Variants in FAM120A observed in about 807,000 individuals in gnomAD.
The protein encoded by FAM120A is family with sequence similarity 120 member A.
In FAM120A, 15 loss-of-function variants were observed where a neutral mutation model predicts 109.7. That is an observed-to-expected ratio of 0.14 (90% CI 0.09 to 0.21). The LOEUF (loss-of-function observed/expected upper bound fraction) is 0.21. Ranked by LOEUF, FAM120A falls within the 10% of genes least tolerant of loss-of-function variation. FAM120A has a pLI of 1.00. For missense variants in FAM120A, 899 were observed against 1,439.3 expected (o/e 0.62, Z 6.07); for synonymous variants, 493 against 572.8 (o/e 0.86, Z 1.99).
intron 10 of FAM120A, among the ~76,000 whole-genome samples, chr9:93,536,151 G>C (rs1056903162): frequency 6.6e-6 from 1 of 152,220 alleles, no homozygotes; most frequent in African/African-American, 2.4e-5. Flanking sequence ...ATTGTATTTA[G>C]ATCTTGTTGA....
Position 93,452,762 on chromosome 9 carries a change from C to T in FAM120A, c.474+373C>T, listed in dbSNP as rs1857326214. ...CACCTTCAACTTTGACAAAATACTC[C>T]CTTTTCTAATTTAGCCTGTTCTTTC... is the stretch of plus-strand genomic sequence containing the variant. On this transcript the variant is annotated intron_variant, in intron 1 of 17. Coordinates refer to ENST00000277165, the MANE Select transcript of FAM120A (RefSeq NM_014612.5). This position sits in a 1 kb window ranked among gnomAD's most constrained non-coding sequence, Gnocchi z 7.0. 1 of 1,596,754 alleles carries T rather than the reference C, an allele frequency of 6.3e-7. No individual in the cohort carries two copies. The highest frequency in any genetic ancestry group is 1.7e-5 in the Admixed American group (1 of 59,662).
At chr9:93,511,753 A>AT (rs1363777134) in intron 5 of FAM120A, among the ~76,000 whole-genome samples, 1 of 152,158 alleles carries the variant, frequency 6.6e-6, no homozygotes, top group East Asian at 1.9e-4. Flanking sequence ...TCAAAGCTAT[A>AT]TTTTTTGGGT....
chr9:93,510,738 C>T (rs950551460), intron 5 of FAM120A, among the ~76,000 whole-genome samples: 8 of 151,994 alleles, frequency 5.3e-5, no homozygotes, highest in Non-Finnish European at 1.2e-4. Context: ...AGTCATGAGC[C>T]ACCGTAACCA....
rs1859678239 is a variant in FAM120A at position 93,498,701 on chromosome 9, A to G, written c.934-89A>G. On this transcript the variant is annotated intron_variant, in intron 4 of 17. Transcript: ENST00000277165. This position sits in a 1 kb window ranked among gnomAD's most constrained non-coding sequence, Gnocchi z 4.4. ...TCTCTAACTTGAAAAGCTGTAGAATATTATACATGTGCTGAATTATAAAAA... is the reference window on the plus strand; with the variant it reads ...TCTCTAACTTGAAAAGCTGTAGAATGTTATACATGTGCTGAATTATAAAAA... The G allele has an allele frequency of 7.4e-6, 6 of 809,146 alleles. No individual in the cohort carries two copies. In the Admixed American group the frequency reaches 9.9e-5, roughly 13 times the overall value. 50.1% of individuals were successfully genotyped at this position (809,146 alleles called of 1,614,324 possible).
intron 15 of FAM120A, 106 bp from the exon 16 acceptor site, chr9:93,561,003 A>T: frequency 8.0e-7 from 1 of 1,242,620 alleles, no homozygotes; most frequent in Non-Finnish European, 1.1e-6. Context: ...GTAGCTTCAT[A>T]GTAAATATAA....
intron 10 of FAM120A, among the ~76,000 whole-genome samples, chr9:93,541,580 G>A (rs1861703417): frequency 6.6e-6 from 1 of 152,164 alleles, no homozygotes; most frequent in Non-Finnish European, 1.5e-5. Context: ...TGACTTGATG[G>A]ACTTTAAGCA....
At position 93,498,850 on chromosome 9, in the gene FAM120A, A is replaced by T; in HGVS notation, c.994A>T (p.Ser332Cys). The change falls in exon 5 of 18, where the codon AGT becomes TGT. Residue 332 changes from serine to cysteine, a missense_variant. Physicochemically the swap from Ser to Cys is moderately radical, Grantham distance 112. This residue lies in a region of FAM120A where 258 missense variants were observed against 451.4 expected (regional missense o/e 0.57). Coordinates refer to ENST00000277165, the MANE Select transcript of FAM120A (RefSeq NM_014612.5). This position sits in a 1 kb window ranked among gnomAD's most constrained non-coding sequence, Gnocchi z 4.4. The part of the protein sequence containing the change: ...KRAIGYYSAT[S>C]KPMSFHPPHY... The stretch of plus-strand genomic sequence containing the variant: ...AGCAATTGGATATTATTCAGCGACT[A>T]GTAAGCCTATGTCATTTCATCCACC... 1 of 1,611,936 alleles carries T rather than the reference A, an allele frequency of 6.2e-7. No individual in the cohort carries two copies. Among genetic ancestry groups the T allele is most frequent in the Non-Finnish European group, 8.5e-7 (1 of 1,177,966 alleles).
At chr9:93,493,954 C>A (rs1430729264) in intron 3 of FAM120A, among the ~76,000 whole-genome samples, 3 of 152,252 alleles carry the variant, frequency 2.0e-5, no homozygotes. Context: ...GTATCTGCTT[C>A]TGAAAACTGG....
chr9:93,533,901 C>T (rs1435323096), intron 10 of FAM120A, among the ~76,000 whole-genome samples: 1 of 152,198 alleles, frequency 6.6e-6, no homozygotes, highest in Non-Finnish European at 1.5e-5. Flanking sequence ...CTTTACATAG[C>T]AAACTCCTTC....
rs75398660 is a variant in FAM120A, at chr9:93,455,519, T to G, written c.474+3130T>G. 7.4e-4 allele frequency among the ~76,000 whole-genome samples: 113 copies of G among 152,328 alleles called. 2 individuals are homozygous for G. In the East Asian group the frequency reaches 0.015, roughly 20 times the overall value. On this transcript the variant is annotated intron_variant, in intron 1 of 17. Coordinates refer to ENST00000277165, the MANE Select transcript of FAM120A (RefSeq NM_014612.5). ...TTTTTTAAGATTAAGTAAAAACCAC[T>G]GGCAAAGGAATTGACATGAACAATT...
intron 5 of FAM120A, among the ~76,000 whole-genome samples, chr9:93,501,506 T>TTTGGGATGC (rs1859801190): frequency 6.6e-6 from 1 of 152,200 alleles, no homozygotes; most frequent in Non-Finnish European, 1.5e-5. Flanking sequence ...ACTGGTAGAG[T>TTTGGGATGC]TTGGGATGCT....
intron 7 of FAM120A, among the ~76,000 whole-genome samples, chr9:93,520,891 G>T (rs1860818628): frequency 6.6e-6 from 1 of 152,202 alleles, no homozygotes; most frequent in African/African-American, 2.4e-5. Context: ...GGGTGCGCTT[G>T]GCAGCCCTGA....
chr9:93,561,073 G>C (rs751436676), intron 15 of FAM120A, 36 bp from the exon 16 acceptor site: 1 of 1,607,522 alleles, frequency 6.2e-7, no homozygotes. Flanking sequence ...TTCTGTGATT[G>C]TAAAGATTTT....
intron 3 of FAM120A, among the ~76,000 whole-genome samples, chr9:93,481,514 C>T (rs1391884168): frequency 1.3e-5 from 2 of 152,118 alleles, no homozygotes; most frequent in East Asian, 1.9e-4. Flanking sequence ...TGTTTAGTTT[C>T]AGGTCATTGT....
In FAM120A at chr9:93,452,590, C is replaced by T. The variant is rs1358096733; in HGVS notation, c.474+201C>T. ...GGCCGCGCGCTGCCCAAGCCCGTCT[C>T]CAGCTGTCCCTGTTCGGGGTCCGCG... On this transcript the variant is annotated intron_variant, in intron 1 of 17. Transcript: ENST00000277165. The surrounding 1 kb of genome is among the most constrained non-coding windows in gnomAD (Gnocchi z 7.0). 1.3e-6 allele frequency: 2 copies of T among 1,597,982 alleles called. No individual in the cohort carries two copies. The highest frequency in any genetic ancestry group is 1.3e-5 in the African/African-American group (1 of 74,888).
chr9:93,461,981 A>C (rs1014725220), intron 1 of FAM120A, among the ~76,000 whole-genome samples: 3 of 152,264 alleles, frequency 2.0e-5, no homozygotes, highest in East Asian at 3.8e-4. Flanking sequence ...GACTGTGATC[A>C]CATCACAAGC....
intron 5 of FAM120A, among the ~76,000 whole-genome samples, chr9:93,510,355 A>G (rs947564912): frequency 4.6e-5 from 7 of 152,180 alleles, no homozygotes; most frequent in Non-Finnish European, 7.3e-5. Flanking sequence ...CCTTTGAGCT[A>G]TTGTCTGACT....
chr9:93,536,376 C>T (rs1376941593), intron 10 of FAM120A, among the ~76,000 whole-genome samples: 1 of 152,232 alleles, frequency 6.6e-6, no homozygotes, highest in Non-Finnish European at 1.5e-5. Flanking sequence ...CCTGCTGCTC[C>T]AGCAGCTGGT....
intron 10 of FAM120A, among the ~76,000 whole-genome samples, chr9:93,541,111 ATGT>A (rs1861684345): frequency 6.6e-6 from 1 of 151,188 alleles, no homozygotes; most frequent in Non-Finnish European, 1.5e-5. Context: ...GTTGGGGGAT[ATGT>A]TGTGTGAAAT....
Sources: allele counts gnomAD v4.1 joint callset (sites outside exome capture counted in the v4.1 genomes callset), GRCh38; gene constraint gnomAD v4.1.1; regional missense constraint gnomAD v4.1.1; non-coding constraint Gnocchi (gnomAD v3.1); transcripts MANE v1.5; gene names NCBI Gene and HGNC (gene_info 2026-07-23, HGNC 2026-07-21).